PRAMEF12: variants seen among roughly 807,000 people sequenced by gnomAD.
PRAMEF12 encodes the protein PRAME family member 12.
Under a neutral mutation model 24.6 loss-of-function variants are expected in PRAMEF12, and 24 were observed. The ratio of observed to expected loss-of-function variants is 0.98; its 90% CI spans 0.71 to 1.37. PRAMEF12 has a LOEUF of 1.37. PRAMEF12 is among the 40% of genes most tolerant of loss of function. PRAMEF12 has a pLI of 0.00. For synonymous variants in PRAMEF12, 286 were observed against 242.6 expected, an observed-to-expected ratio of 1.18 and a Z score of -1.66; for missense variants, 646 against 580.3, an observed-to-expected ratio of 1.11 and a Z score of -1.16.
rs143283134 is a variant in PRAMEF12 at position 12,777,756 on chromosome 1, T to C, written c.*157T>C. On this transcript the variant is annotated 3_prime_UTR_variant, in exon 3 of 3. Transcript: ENST00000357726. Reference sequence around the variant, plus strand: ...GGGGGAAAAGTTGAGTTGGAGTCAATAGGAGCTTTAGAGACCTGTGTCCCA... The same window carrying C: ...GGGGGAAAAGTTGAGTTGGAGTCAACAGGAGCTTTAGAGACCTGTGTCCCA... The C allele has an allele frequency of 3.6e-3, 2,847 of 780,650 alleles. 9 individuals carry two copies. Among genetic ancestry groups the C allele is most frequent in the Non-Finnish European group, 4.7e-3 (2,329 of 490,606 alleles). 48.4% of individuals were successfully genotyped at this position (780,650 alleles called of 1,614,324 possible).
In PRAMEF12 at chr1:12,774,305, G is replaced by T. The variant is rs889719060; in HGVS notation, c.-563G>T. Among the ~76,000 whole-genome samples, 5 of 152,128 alleles carry T rather than the reference G, an allele frequency of 3.3e-5. No homozygotes were observed. The highest frequency in any genetic ancestry group is 7.3e-5 in the Non-Finnish European group (5 of 68,030). Reference sequence around the variant, plus strand: ...TGGGTCATTGTGAGTCTGTGTAAGAGATCAACATTGGAACCTTCATCTGAG... The same window carrying T: ...TGGGTCATTGTGAGTCTGTGTAAGATATCAACATTGGAACCTTCATCTGAG... On this transcript the variant is annotated 5_prime_UTR_variant, in exon 1 of 3. Coordinates refer to ENST00000357726, the MANE Select transcript of PRAMEF12 (RefSeq NM_001080830.5).
intron 2 of PRAMEF12, 57 bp from the exon 3 acceptor site, chr1:12,776,954 T>C: frequency 1.3e-6 from 2 of 1,527,532 alleles, no homozygotes; most frequent in Non-Finnish European, 1.8e-6. Context: ...AAGTGTCATC[T>C]CTCACCTTGA....
chr1:12,776,434 T>C (rs1203710183), intron 2 of PRAMEF12, among the ~76,000 whole-genome samples: 1 of 152,036 alleles, frequency 6.6e-6, no homozygotes. Flanking sequence ...GTTAAGACGA[T>C]GGGAAATGGG....
At position 12,774,037 on chromosome 1, in the gene PRAMEF12, G is replaced by GT. The variant is rs143069682; in HGVS notation, c.-821dup. On this transcript the variant is annotated 5_prime_UTR_variant, in exon 1 of 3. Transcript: ENST00000357726. ...TCATTTCAAAATTCTTATTGAAGCA[G>GT]TTTTTTTTTTAACAAGAGATATTAA... 0.053 allele frequency among the ~76,000 whole-genome samples: 7,972 copies of GT among 149,704 alleles called. 682 individuals are homozygous for GT. The highest frequency in any genetic ancestry group is 0.18 in the African/African-American group (7,476 of 40,930).
chr1:12,774,929 G>A lies in PRAMEF12; in HGVS notation c.62G>A (p.Arg21Gln), dbSNP rs776264098. The A allele has an allele frequency of 5.1e-5, 83 of 1,613,444 alleles. No homozygotes were observed. In the South Asian group the frequency reaches 6.0e-4, roughly 12 times the overall value. The change falls in exon 1 of 3, where the codon CGG (arginine) becomes CAG (glutamine). Residue 21 changes from arginine to glutamine, a missense_variant. Coordinates refer to ENST00000357726, the MANE Select transcript of PRAMEF12 (RefSeq NM_001080830.5). ...ELAEQSLLRD[R>Q]ALAIPTLEEL... ...GCTGAGCAGAGTCTGCTGAGAGACC[G>A]GGCCTTGGCCATCCCCACCCTGGAG...
intron 2 of PRAMEF12, among the ~76,000 whole-genome samples, chr1:12,776,491 A>G (rs540728056): frequency 2.4e-4 from 37 of 152,278 alleles, no homozygotes; most frequent in African/African-American, 8.9e-4. Flanking sequence ...ACACCCCTCC[A>G]TTTTAAAATA....
chr1:12,777,824 G>A lies in PRAMEF12; in HGVS notation c.*225G>A, dbSNP rs72862151. 8.8e-4 allele frequency: 523 copies of A among 594,102 alleles called. 3 individuals are homozygous for A. The highest frequency in any genetic ancestry group is 8.3e-3 in the African/African-American group (445 of 53,794). 36.8% of individuals were successfully genotyped at this position (594,102 alleles called of 1,614,324 possible). ...ATCTGAATTGCTAGAATGAGAATCA[G>A]GTAGGAGAGACACATGAGACAGTTA... On this transcript the variant is annotated 3_prime_UTR_variant, in exon 3 of 3. Transcript: ENST00000357726.
rs935534450 is a variant in PRAMEF12, at chr1:12,774,454, C to T, written c.-414C>T. 6.6e-6 allele frequency among the ~76,000 whole-genome samples: 1 copy of T among 152,180 alleles called. No homozygotes were observed. Among genetic ancestry groups the T allele is most frequent in the African/African-American group, 2.4e-5 (1 of 41,444 alleles). ...GCTGATTCCAAGGAGTCCCTTTAGT[C>T]TTCTGCAAGCATGTCAATTGTGGGA... is the stretch of plus-strand genomic sequence containing the variant. On this transcript the variant is annotated 5_prime_UTR_variant, in exon 1 of 3. Transcript: ENST00000357726.
In PRAMEF12 at chr1:12,773,771, G is replaced by C. The variant is rs542577878; in HGVS notation, c.-1097G>C. ...GCGCTGACACCTGGAGCTACTGCTC[G>C]GTTCTCTGAGAGGTTGCAGCACCCT... On this transcript the variant is annotated 5_prime_UTR_variant, in exon 1 of 3. Coordinates refer to ENST00000357726, the MANE Select transcript of PRAMEF12 (RefSeq NM_001080830.5). Among the ~76,000 whole-genome samples the C allele has an allele frequency of 6.6e-6, 1 of 152,126 alleles. No individual in the cohort carries two copies. The highest frequency in any genetic ancestry group is 1.9e-4 in the East Asian group (1 of 5,186).
In PRAMEF12 at chr1:12,777,152, T is replaced by G; in HGVS notation, c.1005T>G (p.Ser335Arg). ...DLRGITLTHF[S>R]PEPLSVLLEQ... ...GGGGCATCACACTGACCCATTTCAG[T>G]CCTGAGCCCCTCTCAGTTCTGCTGG... The change falls in exon 3 of 3, where the codon AGT becomes AGG. Residue 335 changes from serine to arginine, a missense_variant. Transcript: ENST00000357726. The G allele has an allele frequency of 6.3e-7, 1 of 1,596,294 alleles. No homozygotes were observed. Among genetic ancestry groups the G allele is most frequent in the Admixed American group, 1.7e-5 (1 of 59,250 alleles).
At position 12,777,484 on chromosome 1, in the gene PRAMEF12, C is replaced by T. The variant is rs1443071115; in HGVS notation, c.1337C>T (p.Pro446Leu). The T allele has an allele frequency of 6.2e-7, 1 of 1,613,950 alleles. No individual in the cohort carries two copies. The highest frequency in any genetic ancestry group is 8.5e-7 in the Non-Finnish European group (1 of 1,180,024). ...LMKTLRDLRQ[P>L]KIIVFSTVPC... ...AAGACACTGAGGGACTTAAGGCAGC[C>T]CAAGATAATTGTGTTCAGCACTGTC... Residue 446 changes from proline to leucine, a missense_variant, in exon 3 of 3, where the codon CCC (proline) becomes CTC (leucine). Transcript: ENST00000357726.
chr1:12,774,300 T>A lies in PRAMEF12; in HGVS notation c.-568T>A, dbSNP rs577550789. ...CAAAGTGGGTCATTGTGAGTCTGTG[T>A]AAGAGATCAACATTGGAACCTTCAT... On this transcript the variant is annotated 5_prime_UTR_variant, in exon 1 of 3. Transcript: ENST00000357726. Among the ~76,000 whole-genome samples, 1 of 152,206 alleles carries A rather than the reference T, an allele frequency of 6.6e-6. No homozygotes were observed. Among genetic ancestry groups the A allele is most frequent in the Non-Finnish European group, 1.5e-5 (1 of 68,036 alleles).
Position 12,775,082 on chromosome 1 carries a change from C to A in PRAMEF12, c.215C>A (p.Ser72Ter). 6.2e-7 allele frequency: 1 copy of A among 1,614,176 alleles called. No individual in the cohort carries two copies. The highest frequency in any genetic ancestry group is 8.5e-7 in the Non-Finnish European group (1 of 1,180,006). The change falls in exon 1 of 3, where the codon TCA (serine) becomes TAA (stop). Residue 72 changes from serine to a stop codon, truncating the protein, a stop_gained. Transcript: ENST00000357726. LOFTEE classifies it high-confidence loss of function. Reference protein sequence around the residue: ...TCLPLGSLMKSCNLEIFRAVL... With the variant: ...TCLPLGSLMK Reference sequence around the variant, plus strand: ...CTTCCTCTAGGGTCCCTGATGAAGTCATGTAATCTAGAGATCTTTCGAGCT... The same window carrying A: ...CTTCCTCTAGGGTCCCTGATGAAGTAATGTAATCTAGAGATCTTTCGAGCT...
rs564279016 is a variant in PRAMEF12, at chr1:12,777,528, A to T, written c.1381A>T (p.Ile461Phe). 6.2e-7 allele frequency: 1 copy of T among 1,614,130 alleles called. No individual in the cohort carries two copies. The highest frequency in any genetic ancestry group is 2.2e-5 in the East Asian group (1 of 44,868). ...FSTVPCPRCG[I>F]RASYDLEPSH... ...CACTGTCCCCTGCCCTCGCTGTGGCATCAGGGCCTCCTATGACCTGGAGCC... is the reference window on the plus strand; with the variant it reads ...CACTGTCCCCTGCCCTCGCTGTGGCTTCAGGGCCTCCTATGACCTGGAGCC... Residue 461 changes from isoleucine to phenylalanine, a missense_variant, in exon 3 of 3, where the codon ATC becomes TTC. Ile to Phe is a conservative substitution (Grantham distance 21, BLOSUM62 0). Transcript: ENST00000357726.
In PRAMEF12 at chr1:12,777,729, C is replaced by G. The variant is rs140113776; in HGVS notation, c.*130C>G. ...GAAAGGGGATGCAGGAAGGGAGGGA[C>G]TGGGGGAAAAGTTGAGTTGGAGTCA... On this transcript the variant is annotated 3_prime_UTR_variant, in exon 3 of 3. Coordinates refer to ENST00000357726, the MANE Select transcript of PRAMEF12 (RefSeq NM_001080830.5). 849 of 1,137,196 alleles carry G rather than the reference C, an allele frequency of 7.5e-4. 5 individuals carry two copies. The African/African-American group carries it at 0.012, about 16-fold the overall frequency. 70.4% of individuals were successfully genotyped at this position (1,137,196 alleles called of 1,614,324 possible).
In PRAMEF12 at chr1:12,775,685, C is replaced by G. The variant is rs992854330; in HGVS notation, c.430C>G (p.Pro144Ala). Residue 144 changes from proline (P) to alanine (A), a missense_variant, in exon 2 of 3, where the codon CCC becomes GCC. Pro to Ala is a conservative substitution (Grantham distance 27, BLOSUM62 -1). Transcript: ENST00000357726. ...CTGTCCAAGGCCGGGTGGGCAGCAG[C>G]CCTTGATGGTGATCCTAGACCTTTG... Reference protein sequence around the residue: ...GNCPRPGGQQPLMVILDLCFK... With the variant: ...GNCPRPGGQQALMVILDLCFK... 1.2e-6 allele frequency: 2 copies of G among 1,613,882 alleles called. No individual in the cohort carries two copies. Among genetic ancestry groups the G allele is most frequent in the Admixed American group, 3.3e-5 (2 of 60,006 alleles).
At chr1:12,775,244 C>T in intron 1 of PRAMEF12, 90 bp downstream of exon 1, 1 of 1,406,862 alleles carries the variant, frequency 7.1e-7, no homozygotes. Flanking sequence ...CCAAGGGTGG[C>T]CCAGAGACTT....
At position 12,775,064 on chromosome 1, in the gene PRAMEF12, T is replaced by C. The variant is rs1182328851; in HGVS notation, c.197T>C (p.Leu66Pro). The C allele has an allele frequency of 6.2e-7, 1 of 1,614,166 alleles. No individual in the cohort carries two copies. Among genetic ancestry groups the C allele is most frequent in the Non-Finnish European group, 8.5e-7 (1 of 1,180,002 alleles). ...VQAWPFTCLP[L>P]GSLMKSCNLE... Reference sequence around the variant, plus strand: ...GCCTGGCCCTTCACCTGCCTTCCTCTAGGGTCCCTGATGAAGTCATGTAAT... The same window carrying C: ...GCCTGGCCCTTCACCTGCCTTCCTCCAGGGTCCCTGATGAAGTCATGTAAT... Residue 66 changes from leucine (L) to proline (P), a missense_variant, in exon 1 of 3, where the codon CTA (leucine) becomes CCA (proline). Coordinates refer to ENST00000357726, the MANE Select transcript of PRAMEF12 (RefSeq NM_001080830.5).
chr1:12,776,141 C>T (rs910331351), intron 2 of PRAMEF12, 23 bp downstream of exon 2: 1 of 1,602,272 alleles, frequency 6.2e-7, no homozygotes, highest in Admixed American at 1.7e-5. Context: ...GGTGAGCTTT[C>T]TCTGCAGACC....
Sources: allele counts gnomAD v4.1 joint callset (sites outside exome capture counted in the v4.1 genomes callset), GRCh38; gene constraint gnomAD v4.1.1; transcripts MANE v1.5; gene names NCBI Gene and HGNC (gene_info 2026-07-23, HGNC 2026-07-21).